The following ZMYM1 variants were observed in gnomAD, a reference collection of about 807,000 sequenced individuals.
The protein encoded by ZMYM1 is zinc finger MYM-type containing 1, also known as zinc finger MYM-type protein 1.
Under a neutral mutation model 60.0 loss-of-function variants are expected in ZMYM1, and 39 were observed. That is an observed-to-expected ratio of 0.65 (90% confidence interval 0.50 to 0.85). The LOEUF is 0.85. Among genes scored for constraint, ZMYM1 ranks in the 40% least tolerant of loss-of-function variants. The pLI is 0.00. For synonymous variants in ZMYM1, 413 were observed against 454.0 expected, an observed-to-expected ratio of 0.91 and a Z score of 1.15; for missense variants, 1,171 against 1,309.5, an observed-to-expected ratio of 0.89 and a Z score of 1.63.
Position 35,112,145 on chromosome 1 carries a change from T to G in ZMYM1, c.1146+15T>G. 1.2e-6 allele frequency: 2 copies of G among 1,612,382 alleles called. No homozygotes were observed. The highest frequency in any genetic ancestry group is 1.7e-6 in the Non-Finnish European group (2 of 1,178,990). On this transcript the variant is annotated intron_variant, in intron 9 of 9. Transcript: ENST00000359858. ...TCATTGTGGATGTAAGTTTTAACTT[T>G]TTTTACCACTGTCTTTTTTTAATAA... is the stretch of plus-strand genomic sequence containing the variant.
intron 4 of ZMYM1, among the ~76,000 whole-genome samples, chr1:35,098,691 GA>G (rs2148527088): frequency 6.6e-6 from 1 of 150,546 alleles, no homozygotes; most frequent in East Asian, 1.9e-4. Flanking sequence ...CAGAATGCCT[GA>G]GCTCAGGAGT....
chr1:35,095,673 G>T lies in ZMYM1; in HGVS notation c.97-146G>T, dbSNP rs532785652. ...TCAGCCAAAGAGCACCAAAAGGGTA[G>T]TGCATACCTGTGTATTTTGGTTCAA... On this transcript the variant is annotated intron_variant, in intron 2 of 9. Coordinates refer to ENST00000359858, the MANE Select transcript of ZMYM1 (RefSeq NM_024772.5). The T allele has an allele frequency of 2.4e-5, 14 of 583,184 alleles. No homozygotes were observed. The Admixed American group carries it at 4.4e-4, about 18-fold the overall frequency. 36.1% of individuals were successfully genotyped at this position (583,184 alleles called of 1,614,324 possible). A position where few individuals can be genotyped will look rare whatever the true frequency, so the allele number is the denominator to read the frequency against.
downstream of ZMYM1, among the ~76,000 whole-genome samples, chr1:35,117,315 ACTTT>A (rs1325825850): frequency 4.0e-5 from 6 of 150,092 alleles, no homozygotes; most frequent in Middle Eastern, 3.5e-3. Flanking sequence ...TACCTGTTTT[ACTTT>A]CTTTCTTTCA....
intron 4 of ZMYM1, among the ~76,000 whole-genome samples, chr1:35,100,912 C>T (rs934528018): frequency 3.3e-5 from 5 of 151,618 alleles, no homozygotes; most frequent in African/African-American, 1.2e-4. Flanking sequence ...AAGCAATACT[C>T]CCACCTTTAC....
At position 35,115,453 on chromosome 1, in the gene ZMYM1, G is replaced by C; in HGVS notation, c.*194G>C. ...CCTCTAGAGGTATTTTTCCTAAGTG[G>C]TATTGTACGGTGTATACTGTTCTTC... On this transcript the variant is annotated 3_prime_UTR_variant, in exon 10 of 10. Transcript: ENST00000359858. 1 of 539,630 alleles carries C rather than the reference G, an allele frequency of 1.9e-6. No homozygotes were observed. Among genetic ancestry groups the C allele is most frequent in the Non-Finnish European group, 3.1e-6 (1 of 321,280 alleles). The allele number at this position is 539,630 out of a possible 1,614,324, so 33.4% of individuals were successfully genotyped here. A position where few individuals can be genotyped will look rare whatever the true frequency, so the allele number is the denominator to read the frequency against.
At chr1:35,070,549 A>G (rs1288486135) in intron 1 of ZMYM1, among the ~76,000 whole-genome samples, 6 of 152,168 alleles carry the variant, frequency 3.9e-5, no homozygotes, top group Admixed American at 2.0e-4. Context: ...GCTGTCTTCA[A>G]ACAGAGACAA....
At chr1:35,067,491 T>TG (rs1557620486) in intron 1 of ZMYM1, among the ~76,000 whole-genome samples, 1 of 151,126 alleles carries the variant, frequency 6.6e-6, no homozygotes, top group Non-Finnish European at 1.5e-5. Context: ...AGGTTGGCAG[T>TG]GGGGGTGAGG....
At chr1:35,080,385 G>C (rs929906602) in intron 1 of ZMYM1, among the ~76,000 whole-genome samples, 1 of 148,236 alleles carries the variant, frequency 6.7e-6, no homozygotes, top group African/African-American at 2.5e-5. Flanking sequence ...ACACGATCAC[G>C]GCTCACAAGC....
intron 1 of ZMYM1, among the ~76,000 whole-genome samples, chr1:35,090,247 G>A (rs1476511891): frequency 1.3e-5 from 2 of 152,020 alleles, no homozygotes; most frequent in African/African-American, 4.8e-5. Flanking sequence ...AGGAAGACTT[G>A]CACTCTGAAG....
intron 7 of ZMYM1, among the ~76,000 whole-genome samples, chr1:35,111,179 G>A (rs539472439): frequency 6.6e-6 from 1 of 152,276 alleles, no homozygotes; most frequent in Non-Finnish European, 1.5e-5. Context: ...AAATAGAAGT[G>A]ATTGTAAATG....
Position 35,115,259 on chromosome 1 carries a change from AT to A in ZMYM1, c.*1del. 1 of 1,566,428 alleles carries A rather than the reference AT, an allele frequency of 6.4e-7. No individual in the cohort carries two copies. The highest frequency in any genetic ancestry group is 2.2e-5 in the East Asian group (1 of 44,516). On this transcript the variant is annotated 3_prime_UTR_variant, in exon 10 of 10. Transcript: ENST00000359858. The stretch of plus-strand genomic sequence containing the variant: ...TTATCAGTCAGATGAAAGAAATATA[AT>A]ACATGCTCATTTGAACTTACCTAAA...
chr1:35,104,602 A>G lies in ZMYM1; in HGVS notation c.640A>G (p.Ser214Gly), dbSNP rs1557691183. Residue 214 changes from serine (S) to glycine (G), a missense_variant, in exon 6 of 10, where the codon AGT becomes GGT. By Grantham distance (56) the Ser-to-Gly change is moderately conservative. Transcript: ENST00000359858. ...KYQNVKHNLC[S>G]NACLSKFHSA... ...CCAAAATGTGAAACATAATCTTTGC[A>G]GTAATGCCTGCCTTTCAAAGTTTCA... The G allele has an allele frequency of 6.2e-7, 1 of 1,614,196 alleles. No homozygotes were observed.
At chr1:35,072,521 T>TG (rs1202473560) in intron 1 of ZMYM1, among the ~76,000 whole-genome samples, 1 of 1,040 alleles carries the variant, frequency 9.6e-4, no homozygotes, top group Non-Finnish European at 2.0e-3. Flanking sequence ...ATTGATCTTT[T>TG]GAATTTTTTT....
intron 2 of ZMYM1, 42 bp downstream of exon 2, chr1:35,094,125 T>A: frequency 6.5e-7 from 1 of 1,542,048 alleles, no homozygotes; most frequent in Non-Finnish European, 8.8e-7. Context: ...AGAGCAGCAT[T>A]TAACTATAAA....
At chr1:35,105,060 T>C (rs1643844576) in intron 6 of ZMYM1, among the ~76,000 whole-genome samples, 2 of 151,922 alleles carry the variant, frequency 1.3e-5, no homozygotes, top group African/African-American at 4.8e-5. Flanking sequence ...AATAGTCTGC[T>C]GGTCAATAAA....
chr1:35,115,906 C>T (rs1424008756), downstream of ZMYM1: 2 of 152,140 alleles, frequency 1.3e-5, no homozygotes, highest in Non-Finnish European at 2.9e-5. Flanking sequence ...GCGTTTTAAT[C>T]TCAGTAGAAT....
At chr1:35,065,187 G>A (rs1641953137) in intron 1 of ZMYM1, among the ~76,000 whole-genome samples, 1 of 151,772 alleles carries the variant, frequency 6.6e-6, no homozygotes, top group Admixed American at 6.6e-5. Context: ...CCACCCCTGA[G>A]ATAGCTAGAC....
In ZMYM1 at chr1:35,104,222, G is replaced by T. The variant is rs1360433679; in HGVS notation, c.420-73G>T. 3.9e-6 allele frequency: 5 copies of T among 1,298,560 alleles called. No individual in the cohort carries two copies. The East Asian group carries it at 7.2e-5, about 19-fold the overall frequency. The allele number at this position is 1,298,560 out of a possible 1,614,324, so 80.4% of individuals were successfully genotyped here. A position where few individuals can be genotyped will look rare whatever the true frequency, so the allele number is the denominator to read the frequency against. On this transcript the variant is annotated intron_variant, in intron 4 of 9. Transcript: ENST00000359858. ...TAATGTTCTTACTCTAATTTGAGAG[G>T]TCATTTCATTTATAAAGAGAAGTTA...
chr1:35,111,818 T>A lies in ZMYM1; in HGVS notation c.1008T>A (p.Ser336=). The A allele has an allele frequency of 6.2e-7, 1 of 1,607,456 alleles. No individual in the cohort carries two copies. The highest frequency in any genetic ancestry group is 8.5e-7 in the Non-Finnish European group (1 of 1,175,732). The change falls in exon 8 of 10, where the codon TCT becomes TCA. Residue 336 remains serine (S), a synonymous_variant. Transcript: ENST00000359858. The part of the protein sequence containing the change: ...VVHDTSTELL[S]PKKDTTPVIS... Reference sequence around the variant, plus strand: ...ATGATACTTCAACAGAGCTTCTTTCTCCAAAGAAAGATACGACTCCAGTTA... The same window carrying A: ...ATGATACTTCAACAGAGCTTCTTTCACCAAAGAAAGATACGACTCCAGTTA...
Sources: allele counts gnomAD v4.1 joint callset (sites outside exome capture counted in the v4.1 genomes callset), GRCh38; gene constraint gnomAD v4.1.1; transcripts MANE v1.5; gene names NCBI Gene and HGNC (gene_info 2026-07-23, HGNC 2026-07-21).